TENM4: variants seen among roughly 807,000 people sequenced by gnomAD.
TENM4 encodes the protein teneurin-4.
In TENM4, 82 loss-of-function variants were observed where a neutral mutation model predicts 243.3. The ratio of observed to expected loss-of-function variants is 0.34; its 90% CI spans 0.28 to 0.40. The LOEUF is 0.40. TENM4 is among the 10% of genes least tolerant of loss of function. The pLI, the probability that TENM4 is intolerant of heterozygous loss-of-function variation, is 1.00. For synonymous variants in TENM4, 1,412 were observed against 1,456.3 expected (o/e 0.97, Z 0.69); for missense variants, 3,138 against 3,673.3 (o/e 0.85, Z 3.77).
intron 3 of TENM4, among the ~76,000 whole-genome samples, chr11:79,159,204 A>T (rs145823843): frequency 4.1e-3 from 619 of 152,278 alleles, no homozygotes; most frequent in Middle Eastern, 6.8e-3. Flanking sequence ...TTGAGTCAAC[A>T]TCGCTGGGTT....
intron 6 of TENM4, among the ~76,000 whole-genome samples, chr11:78,937,700 G>A (rs1372820783): frequency 6.6e-6 from 1 of 152,160 alleles, no homozygotes; most frequent in Non-Finnish European, 1.5e-5. Flanking sequence ...CCAAAACGAA[G>A]CTGTTCATCT....
In TENM4 at chr11:78,899,729, G is replaced by C. The variant is rs190600551; in HGVS notation, c.749+3539C>G. Reference sequence around the variant, plus strand: ...TTATTAGTTCCTTCCAGAGCTGGTTGTTAAAAAGAGCCTGGCACCTCCCCA... The same window carrying C: ...TTATTAGTTCCTTCCAGAGCTGGTTCTTAAAAAGAGCCTGGCACCTCCCCA... On this transcript the variant is annotated intron_variant, in intron 7 of 33. Coordinates refer to ENST00000278550, the MANE Select transcript of TENM4 (RefSeq NM_001098816.3). Among the ~76,000 whole-genome samples, 27 of 152,230 alleles carry C rather than the reference G, an allele frequency of 1.8e-4. 1 individual carries two copies. In the East Asian group the frequency reaches 5.0e-3, roughly 28 times the overall value.
intron 1 of TENM4, among the ~76,000 whole-genome samples, chr11:79,388,673 G>A (rs1014594845): frequency 6.6e-6 from 1 of 152,188 alleles, no homozygotes; most frequent in Non-Finnish European, 1.5e-5. Flanking sequence ...CACTCGATGG[G>A]ATGCCAGCTA....
chr11:78,706,654 C>T (rs1422492603), intron 27 of TENM4, among the ~76,000 whole-genome samples: 1 of 152,032 alleles, frequency 6.6e-6, no homozygotes, highest in South Asian at 2.1e-4. Flanking sequence ...CATTTTTTTC[C>T]CCCTCCGCCA....
intron 7 of TENM4, among the ~76,000 whole-genome samples, chr11:78,895,083 C>T (rs1179765543): frequency 6.6e-6 from 1 of 150,950 alleles, no homozygotes; most frequent in East Asian, 2.0e-4. Context: ...GTGGCTCACG[C>T]CTGTAATCCC....
intron 4 of TENM4, among the ~76,000 whole-genome samples, chr11:79,108,662 A>G (rs1861431596): frequency 6.9e-6 from 1 of 145,842 alleles, no homozygotes; most frequent in African/African-American, 2.8e-5. Flanking sequence ...TTGTACCCTG[A>G]GAAGGAGACA....
intron 6 of TENM4, among the ~76,000 whole-genome samples, chr11:78,958,435 AT>A (rs1319579623): frequency 6.6e-6 from 1 of 152,210 alleles, no homozygotes; most frequent in Non-Finnish European, 1.5e-5. Flanking sequence ...ACTAGTTGAT[AT>A]TTTAGTGAAA....
chr11:78,902,033 C>T (rs192076826), intron 7 of TENM4, among the ~76,000 whole-genome samples: 18 of 152,268 alleles, frequency 1.2e-4, no homozygotes, highest in Admixed American at 9.2e-4. Flanking sequence ...AATTTTACTT[C>T]CTTAACTGTG....
At chr11:79,423,933 A>G (rs866392066) in intron 1 of TENM4, among the ~76,000 whole-genome samples, 25 of 152,262 alleles carry the variant, frequency 1.6e-4, no homozygotes, top group South Asian at 1.4e-3. Context: ...CTCCCCCACT[A>G]ACCTGGGTGT....
Position 78,891,270 on chromosome 11 carries a change from G to A in TENM4, c.816C>T (p.Gly272=), listed in dbSNP as rs201811725. 1,758 of 1,551,678 alleles carry A rather than the reference G, an allele frequency of 1.1e-3. 2 individuals carry two copies. The highest frequency in any genetic ancestry group is 1.4e-3 in the Non-Finnish European group (1,585 of 1,147,004). ...TGTAAGCCCCATCATGGCGGGAGGC[G>A]CCGAGAATGTCCATCTCAATGAGGT... is the stretch of plus-strand genomic sequence containing the variant. ...QDNLIEMDIL[G]ASRHDGAYSD... is the part of the protein sequence containing the mutation. Residue 272 remains glycine, a synonymous_variant, in exon 8 of 34, where the codon GGC becomes GGT. Coordinates refer to ENST00000278550, the MANE Select transcript of TENM4 (RefSeq NM_001098816.3).
chr11:79,440,148 C>T lies in TENM4; in HGVS notation c.-321+361G>A, dbSNP rs1011482932. ...AGTCTGCAGAGGGGCTGCAGGCGAC[C>T]GGGCCGGGGCGGGGAACGGGATCCG... On this transcript the variant is annotated intron_variant, in intron 1 of 33. Transcript: ENST00000278550. The surrounding 1 kb of genome is among the most constrained non-coding windows in gnomAD (Gnocchi z 4.7). 2.6e-5 allele frequency among the ~76,000 whole-genome samples: 4 copies of T among 151,982 alleles called. No homozygotes were observed. Among genetic ancestry groups the T allele is most frequent in the South Asian group, 4.1e-4 (2 of 4,828 alleles).
intron 30 of TENM4, among the ~76,000 whole-genome samples, chr11:78,673,305 C>T (rs1041924880): frequency 6.6e-6 from 1 of 152,180 alleles, no homozygotes; most frequent in Non-Finnish European, 1.5e-5. Context: ...GCCAGGTATT[C>T]TGGAACTAAA....
At chr11:79,334,391 C>T (rs1173468305) in intron 1 of TENM4, among the ~76,000 whole-genome samples, 1 of 152,202 alleles carries the variant, frequency 6.6e-6, no homozygotes, top group Non-Finnish European at 1.5e-5. Context: ...TACCAAAGAG[C>T]AACTTTCACC....
intron 1 of TENM4, among the ~76,000 whole-genome samples, chr11:79,327,291 A>T (rs1245149495): frequency 6.6e-6 from 1 of 152,218 alleles, no homozygotes; most frequent in Non-Finnish European, 1.5e-5. Context: ...TCACTAGATG[A>T]TAGTGAATTT....
At chr11:79,126,441 A>C (rs532965619) in intron 4 of TENM4, among the ~76,000 whole-genome samples, 3 of 152,352 alleles carry the variant, frequency 2.0e-5, no homozygotes, top group Admixed American at 2.0e-4. Flanking sequence ...ATTGGATCCC[A>C]AGGTGGCAGG....
Position 78,669,911 on chromosome 11 carries a change from A to G in TENM4, c.6434T>C (p.Phe2145Ser). 1 of 1,613,848 alleles carries G rather than the reference A, an allele frequency of 6.2e-7. No homozygotes were observed. Among genetic ancestry groups the G allele is most frequent in the East Asian group, 2.2e-5 (1 of 44,864 alleles). Reference sequence around the variant, plus strand: ...TTCCTTCATCCTGCCATATGCATCAAAATGCTTGGTGTGGGTCATGACAGC... The same window carrying G: ...TTCCTTCATCCTGCCATATGCATCAGAATGCTTGGTGTGGGTCATGACAGC... ...TTAVMTHTKH[F>S]DAYGRMKEVQ... Residue 2145 changes from phenylalanine to serine, a missense_variant, in exon 32 of 34, where the codon TTT (phenylalanine) becomes TCT (serine). Phe to Ser is a radical substitution (Grantham distance 155). This residue lies in a region of TENM4 where 2,467 missense variants were observed against 3,059.1 expected (regional missense o/e 0.81). Transcript: ENST00000278550. This position sits in a 1 kb window ranked among gnomAD's most constrained non-coding sequence, Gnocchi z 6.4.
intron 1 of TENM4, among the ~76,000 whole-genome samples, chr11:79,433,101 T>TAAA (rs1417078895): frequency 1.3e-5 from 2 of 152,202 alleles, no homozygotes; most frequent in African/African-American, 4.8e-5. Context: ...CATCCCTTTA[T>TAAA]AGTGTCATTC....
At chr11:79,356,818 T>C (rs1442311854) in intron 1 of TENM4, among the ~76,000 whole-genome samples, 1 of 151,944 alleles carries the variant, frequency 6.6e-6, no homozygotes, top group African/African-American at 2.4e-5. Context: ...AATAATGCCA[T>C]TTTTTGGTCC....
intron 4 of TENM4, among the ~76,000 whole-genome samples, chr11:79,142,519 G>T (rs1223316638): frequency 6.6e-6 from 1 of 152,050 alleles, no homozygotes; most frequent in Non-Finnish European, 1.5e-5. Flanking sequence ...CTTGTTTATG[G>T]ATTGGAAGAA....
Sources: gnomAD v4.1 joint callset for allele counts (sites outside exome capture counted in the v4.1 genomes callset) on GRCh38, gnomAD v4.1.1 for gene constraint, gnomAD v4.1.1 regional missense constraint, Gnocchi (gnomAD v3.1) non-coding constraint, MANE v1.5 for transcripts, NCBI Gene and HGNC (gene_info 2026-07-23, HGNC 2026-07-21) for gene names.